AGBL1: variants seen among roughly 807,000 people sequenced by gnomAD.
AGBL1 encodes the protein cytosolic carboxypeptidase 4.
In AGBL1, 130 loss-of-function variants were observed where a neutral mutation model predicts 118.9. That is an observed-to-expected ratio of 1.09 (90% CI 0.95 to 1.26). The LOEUF (loss-of-function observed/expected upper bound fraction) is 1.26. Among genes scored for constraint, AGBL1 ranks in the 50% most tolerant of loss-of-function variants. AGBL1 has a pLI of 0.00. For missense variants in AGBL1, 1,584 were observed against 1,298.1 expected, an observed-to-expected ratio of 1.22 and a Z score of -3.38; for synonymous variants, 555 against 478.9, an observed-to-expected ratio of 1.16 and a Z score of -2.08.
At chr15:86,917,130 AG>A (rs1255572442), downstream of AGBL1, among the ~76,000 whole-genome samples, 6 of 152,116 alleles carry the variant, frequency 3.9e-5, no homozygotes, top group African/African-American at 1.4e-4. This position sits in a 1 kb window ranked among gnomAD's most constrained non-coding sequence, Gnocchi z 4.8. Flanking sequence ...TGCTGTTGGA[AG>A]GGGGAGTTTG....
At chr15:86,083,824 ACT>A (rs1325386090) in intron 1 of AGBL1, 1 of 152,094 alleles carries the variant, frequency 6.6e-6, no homozygotes, top group Non-Finnish European at 1.5e-5. Context: ...CCCTTGTAGA[ACT>A]CTCTGTAGAG....
At chr15:86,765,642 A>G (rs1596462073) in intron 22 of AGBL1, among the ~76,000 whole-genome samples, 2 of 152,014 alleles carry the variant, frequency 1.3e-5, no homozygotes, top group Admixed American at 1.3e-4. Context: ...AGTACAGGCG[A>G]AAGTCTCAGT....
chr15:86,091,486 C>A (rs1369724928), intron 1 of AGBL1, among the ~76,000 whole-genome samples: 3 of 152,230 alleles, frequency 2.0e-5, no homozygotes, highest in Non-Finnish European at 4.4e-5. Flanking sequence ...TATGCCTATG[C>A]ATTTCTGTCT....
intron 23 of AGBL1, among the ~76,000 whole-genome samples, chr15:86,979,563 A>T (rs1252101712): frequency 6.6e-6 from 1 of 151,618 alleles, no homozygotes; most frequent in Non-Finnish European, 1.5e-5. Context: ...ATCTCGGCTC[A>T]CTGCAAGCTC....
intron 21 of AGBL1, among the ~76,000 whole-genome samples, chr15:86,653,166 A>C (rs1596339679): frequency 6.6e-6 from 1 of 151,478 alleles, no homozygotes; most frequent in Non-Finnish European, 1.5e-5. Context: ...TCAAATGCAA[A>C]CCAAAATGAG....
chr15:86,359,229 C>T (rs2080765549), intron 17 of AGBL1, among the ~76,000 whole-genome samples: 1 of 151,846 alleles, frequency 6.6e-6, no homozygotes, highest in Non-Finnish European at 1.5e-5. Flanking sequence ...TTTTATTCTT[C>T]AGCATGTGGA....
intron 18 of AGBL1, among the ~76,000 whole-genome samples, chr15:86,402,861 C>A (rs1264682460): frequency 1.3e-5 from 2 of 152,088 alleles, no homozygotes; most frequent in Admixed American, 6.6e-5. Flanking sequence ...AAAGAAAATA[C>A]AAAGATGGAA....
intron 23 of AGBL1, among the ~76,000 whole-genome samples, chr15:86,965,340 G>T: frequency 6.6e-6 from 1 of 152,042 alleles, no homozygotes; most frequent in East Asian, 1.9e-4. Context: ...GGTGTGAGAT[G>T]GTATCTCATT....
chr15:86,690,830 C>G (rs1299201757), intron 22 of AGBL1, among the ~76,000 whole-genome samples: 1 of 152,024 alleles, frequency 6.6e-6, no homozygotes, highest in African/African-American at 2.4e-5. Flanking sequence ...AATTGTTAGT[C>G]TCTTGAAGGG....
At chr15:86,191,252 G>T (rs2077714444) in intron 5 of AGBL1, among the ~76,000 whole-genome samples, 1 of 149,002 alleles carries the variant, frequency 6.7e-6, no homozygotes, top group Non-Finnish European at 1.5e-5. Flanking sequence ...GGAGGCTGAG[G>T]CAGGAGAATC....
intron 21 of AGBL1, among the ~76,000 whole-genome samples, chr15:86,651,534 A>T (rs758391821): frequency 6.6e-6 from 1 of 152,130 alleles, no homozygotes; most frequent in Non-Finnish European, 1.5e-5. Context: ...AGTGATTTAG[A>T]TGAGTTATTT....
chr15:86,611,105 G>C (rs1318028042), intron 21 of AGBL1, among the ~76,000 whole-genome samples: 2 of 152,162 alleles, frequency 1.3e-5, no homozygotes, highest in Non-Finnish European at 2.9e-5. Flanking sequence ...CTTGTATCTT[G>C]TATCTGCTCT....
intron 5 of AGBL1, among the ~76,000 whole-genome samples, chr15:86,194,399 C>T (rs531301675): frequency 2.6e-5 from 4 of 152,202 alleles, no homozygotes; most frequent in Non-Finnish European, 5.9e-5. Flanking sequence ...GTCTTGGGAT[C>T]TTTTCTCCCA....
intron 5 of AGBL1, among the ~76,000 whole-genome samples, chr15:86,161,891 G>C (rs998710697): frequency 2.0e-5 from 3 of 152,182 alleles, no homozygotes; most frequent in African/African-American, 7.2e-5. Context: ...ATTTCTTAAA[G>C]CATGAATGTC....
rs1297359244 is a variant in AGBL1 at position 86,910,859 on chromosome 15, C to T, written c.*3565C>T. 2 of 152,134 alleles carry T rather than the reference C, an allele frequency of 1.3e-5. No homozygotes were observed. The highest frequency in any genetic ancestry group is 4.8e-5 in the African/African-American group (2 of 41,418). 9.4% of individuals were successfully genotyped at this position (152,134 alleles called of 1,614,324 possible). On this transcript the variant is annotated 3_prime_UTR_variant, in exon 23 of 23. Coordinates refer to ENST00000614907, the MANE Select transcript of AGBL1 (RefSeq NM_001386094.1). ...AGGGAAGAGGGGACTTGGGAGCAGACCTCTCTCCTTTCCTGCTAGGACTGA... is the reference window on the plus strand; with the variant it reads ...AGGGAAGAGGGGACTTGGGAGCAGATCTCTCTCCTTTCCTGCTAGGACTGA...
At chr15:86,395,494 T>C (rs1012742410) in intron 17 of AGBL1, among the ~76,000 whole-genome samples, 4 of 152,138 alleles carry the variant, frequency 2.6e-5, no homozygotes, top group Non-Finnish European at 2.9e-5. Flanking sequence ...TTTTCTTTCA[T>C]ATTTGTCACT....
chr15:86,780,617 C>T (rs1276858765), intron 22 of AGBL1, among the ~76,000 whole-genome samples: 1 of 150,380 alleles, frequency 6.6e-6, no homozygotes, highest in African/African-American at 2.4e-5. Context: ...TATTCTATGG[C>T]TATAAAATAT....
intron 7 of AGBL1, among the ~76,000 whole-genome samples, chr15:86,249,450 C>T (rs767323475): frequency 1.3e-5 from 2 of 152,324 alleles, no homozygotes; most frequent in South Asian, 2.1e-4. Context: ...ATATCTAACT[C>T]CCTATCTGCT....
intron 18 of AGBL1, among the ~76,000 whole-genome samples, chr15:86,477,928 A>G (rs1049469289): frequency 6.6e-6 from 1 of 152,210 alleles, no homozygotes; most frequent in South Asian, 2.1e-4. Flanking sequence ...CTGATTCAAC[A>G]TACGCAAATC....
Sources: allele counts gnomAD v4.1 joint callset (sites outside exome capture counted in the v4.1 genomes callset), GRCh38; gene constraint gnomAD v4.1.1; non-coding constraint Gnocchi (gnomAD v3.1); transcripts MANE v1.5; gene names NCBI Gene and HGNC (gene_info 2026-07-23, HGNC 2026-07-21).